C11orf65: variants seen among roughly 807,000 people sequenced by gnomAD.
C11orf65 encodes the protein protein MFI.
In C11orf65, 38 loss-of-function variants were observed where a neutral mutation model predicts 35.3. That is an observed-to-expected ratio of 1.08 (90% CI 0.83 to 1.41). The LOEUF (loss-of-function observed/expected upper bound fraction) is 1.41, where lower values mean the gene tolerates loss of function less well. C11orf65 is among the 40% of genes most tolerant of loss of function. C11orf65 has a pLI of 0.00. For synonymous variants in C11orf65, 105 were observed against 114.4 expected (o/e 0.92, Z 0.53); for missense variants, 370 against 367.1 (o/e 1.01, Z -0.06).
At chr11:108,310,462 A>C in intron 6 of C11orf65, 2 of 749,162 alleles carry the variant, frequency 2.7e-6, no homozygotes, top group South Asian at 4.2e-5. Flanking sequence ...ATTATAATAA[A>C]TTTTTAAAAA....
At chr11:108,466,409 A>C (rs984294539) in intron 1 of C11orf65, among the ~76,000 whole-genome samples, 3 of 152,106 alleles carry the variant, frequency 2.0e-5, no homozygotes. Flanking sequence ...CCCTGTCTCT[A>C]GTAAAAATAC....
chr11:108,431,592 A>C (rs1157822256), intron 3 of C11orf65, among the ~76,000 whole-genome samples, 154 bp downstream of exon 3: 2 of 152,160 alleles, frequency 1.3e-5, no homozygotes, highest in African/African-American at 4.8e-5. Flanking sequence ...TGATTCATTG[A>C]GCTATATATG....
chr11:108,343,802 AAC>A (rs762433401), intron 2 of C11orf65, among the ~76,000 whole-genome samples: 5 of 152,104 alleles, frequency 3.3e-5, no homozygotes, highest in Admixed American at 2.0e-4. Flanking sequence ...CACAGTAAAC[AAC>A]AACAACAACA....
At chr11:108,363,117 C>T (rs1195156849) in intron 2 of C11orf65, among the ~76,000 whole-genome samples, 4 of 152,160 alleles carry the variant, frequency 2.6e-5, no homozygotes. Context: ...AATAATTTTC[C>T]CAGTGATCTT....
intron 2 of C11orf65, among the ~76,000 whole-genome samples, chr11:108,359,625 A>T (rs1591352148): frequency 6.6e-6 from 1 of 152,346 alleles, no homozygotes; most frequent in East Asian, 1.9e-4. Flanking sequence ...TCAAACTAGA[A>T]CTCAGGATTA....
At chr11:108,345,002 G>A (rs61915068) in intron 2 of C11orf65, among the ~76,000 whole-genome samples, 50 of 151,634 alleles carry the variant, frequency 3.3e-4, no homozygotes, top group Non-Finnish European at 6.9e-4. Context: ...CTGTCACCCT[G>A]TCTCCAAAAA....
intron 2 of C11orf65, among the ~76,000 whole-genome samples, chr11:108,438,609 A>G (rs376717656): frequency 1.3e-5 from 2 of 152,176 alleles, no homozygotes; most frequent in East Asian, 3.8e-4. Context: ...CTCCTAGAAG[A>G]AAATATGGGG....
chr11:108,460,828 T>C (rs955836208), intron 2 of C11orf65, among the ~76,000 whole-genome samples: 4 of 152,022 alleles, frequency 2.6e-5, no homozygotes, highest in Non-Finnish European at 4.4e-5. Context: ...CAAGTTCAAG[T>C]GATTCTTCTG....
chr11:108,312,618 C>A, intron 6 of C11orf65: 1 of 713,894 alleles, frequency 1.4e-6, no homozygotes, highest in South Asian at 1.7e-5. Flanking sequence ...CTGGACTAAG[C>A]ATCATATATA....
chr11:108,343,486 C>T (rs1350926396), intron 2 of C11orf65: 1 of 1,264,524 alleles, frequency 7.9e-7, no homozygotes, highest in Non-Finnish European at 1.1e-6. Context: ...AGGTAATTGT[C>T]AAAGATACTA....
chr11:108,427,721 CAAAAAAAAAAA>C (rs1176005299), intron 3 of C11orf65, among the ~76,000 whole-genome samples: 1 of 40,740 alleles, frequency 2.5e-5, no homozygotes, highest in Non-Finnish European at 4.1e-5. Context: ...AACTCCGCCT[CAAAAAAAAAAA>C]AAAAAAAAAA....
At position 108,335,069 on chromosome 11, in the gene C11orf65, G is replaced by A. The variant is rs1555127249; in HGVS notation, c.299+151C>T. On this transcript the variant is annotated intron_variant, in intron 3 of 3. Coordinates refer to the C11orf65 transcript ENST00000524755. ...GTAAATTTACCAAAAATAATAGATT[G>A]TGTAGGTTCCGATGGCAAGGAGAGG... The A allele has an allele frequency of 1.2e-6, 2 of 1,614,112 alleles. No homozygotes were observed. The highest frequency in any genetic ancestry group is 1.7e-6 in the Non-Finnish European group (2 of 1,179,994).
intron 3 of C11orf65, among the ~76,000 whole-genome samples, chr11:108,429,318 G>A (rs2092952991): frequency 6.6e-6 from 1 of 152,158 alleles, no homozygotes; most frequent in Non-Finnish European, 1.5e-5. Flanking sequence ...GATGAAATAA[G>A]ATTGGTTATG....
At position 108,322,409 on chromosome 11, in the gene C11orf65, C is replaced by T. The variant is rs183915395; in HGVS notation, c.641-13338G>A. On this transcript the variant is annotated intron_variant, in intron 6 of 6. Transcript: ENST00000525729. ...CCTCAGGTGATCCACCCGCTTCAGC[C>T]TCCCAAAGTGCTGGGATTGCAGGCG... 1.2e-3 allele frequency among the ~76,000 whole-genome samples: 183 copies of T among 152,338 alleles called. 1 individual carries two copies. Among genetic ancestry groups the T allele is most frequent in the African/African-American group, 4.4e-3 (181 of 41,570 alleles).
At chr11:108,453,712 C>T (rs2093379680) in intron 2 of C11orf65, among the ~76,000 whole-genome samples, 1 of 152,174 alleles carries the variant, frequency 6.6e-6, no homozygotes, top group Admixed American at 6.5e-5. Flanking sequence ...GTGGTCATCG[C>T]ATTTATTGAT....
At chr11:108,332,470 A>G (rs77851219) in intron 3 of C11orf65, among the ~76,000 whole-genome samples, 1 of 151,950 alleles carries the variant, frequency 6.6e-6, no homozygotes, top group African/African-American at 2.4e-5. Context: ...AATTGGTTCA[A>G]AATTCCTTAA....
intron 2 of C11orf65, among the ~76,000 whole-genome samples, chr11:108,445,537 T>A (rs1370250299): frequency 1.3e-5 from 2 of 152,018 alleles, no homozygotes; most frequent in Non-Finnish European, 2.9e-5. Flanking sequence ...TCTAGCAAAC[T>A]CCAACGGACC....
intron 2 of C11orf65, among the ~76,000 whole-genome samples, chr11:108,373,853 A>G (rs1452017595): frequency 1.3e-5 from 2 of 152,220 alleles, no homozygotes; most frequent in Non-Finnish European, 2.9e-5. Flanking sequence ...GGCTTAGGAA[A>G]CGGTGCACCA....
chr11:108,343,462 A>C (rs1442748043), intron 2 of C11orf65: 3 of 1,493,332 alleles, frequency 2.0e-6, no homozygotes, highest in Non-Finnish European at 1.8e-6. Flanking sequence ...ATACAAAAAA[A>C]CTTTAATTTC....
Sources: gnomAD v4.1 joint callset for allele counts (sites outside exome capture counted in the v4.1 genomes callset) on GRCh38, gnomAD v4.1.1 for gene constraint, MANE v1.5 for transcripts, NCBI Gene and HGNC (gene_info 2026-07-23, HGNC 2026-07-21) for gene names.